The following DST variants were observed in gnomAD, a reference collection of about 807,000 sequenced individuals.
The protein encoded by DST is dystonin.
A neutral mutation model predicts 875.2 loss-of-function variants in DST; 253 were observed. That is an observed-to-expected ratio of 0.29 (90% CI 0.26 to 0.32). The LOEUF (loss-of-function observed/expected upper bound fraction) is 0.32. Among genes scored for constraint, DST ranks in the 10% least tolerant of loss-of-function variants. DST has a pLI of 1.00. For missense variants in DST, 8,287 were observed against 9,111.6 expected, an observed-to-expected ratio of 0.91 and a Z score of 3.68; for synonymous variants, 3,124 against 3,197.1, an observed-to-expected ratio of 0.98 and a Z score of 0.77.
intron 5 of DST, among the ~76,000 whole-genome samples, chr6:56,705,400 A>AT (rs2099329145): frequency 6.6e-6 from 1 of 152,226 alleles, no homozygotes; most frequent in Admixed American, 6.5e-5. Flanking sequence ...GCACAAAATA[A>AT]TGAAAAGATC....
At chr6:56,494,300 G>A (rs1313575682) in intron 82 of DST, 120 bp from the exon 83 acceptor site, 5 of 863,316 alleles carry the variant, frequency 5.8e-6, no homozygotes, top group Non-Finnish European at 6.7e-6. Context: ...GCTCTCTCAG[G>A]GCAACCTTGA....
chr6:56,769,659 A>C (rs1266987496), intron 4 of DST, among the ~76,000 whole-genome samples: 1 of 152,132 alleles, frequency 6.6e-6, no homozygotes, highest in African/African-American at 2.4e-5. Flanking sequence ...CTACAAAAAA[A>C]CACAAAAACT....
intron 4 of DST, among the ~76,000 whole-genome samples, chr6:56,807,103 T>C (rs1437737575): frequency 6.6e-6 from 1 of 152,096 alleles, no homozygotes; most frequent in Non-Finnish European, 1.5e-5. Context: ...CAGGCTGGAG[T>C]GCAGTGGCAC....
At chr6:56,497,550 C>A in intron 81 of DST, 43 bp from the exon 82 acceptor site, 1 of 1,596,610 alleles carries the variant, frequency 6.3e-7, no homozygotes, top group South Asian at 1.1e-5. Flanking sequence ...TAAACACTGT[C>A]AGTTTCAAGC....
At chr6:56,824,996 T>G (rs547966916) in intron 4 of DST, among the ~76,000 whole-genome samples, 16 of 152,104 alleles carry the variant, frequency 1.1e-4, no homozygotes, top group African/African-American at 3.9e-4. Context: ...GTCTGGGAGG[T>G]GTACCCAACA....
At chr6:56,576,535 T>C (rs975026895) in intron 50 of DST, among the ~76,000 whole-genome samples, 2 of 152,154 alleles carry the variant, frequency 1.3e-5, no homozygotes, top group African/African-American at 4.8e-5. Context: ...AATTGAATTA[T>C]AGGACATCCA....
At chr6:56,546,877 C>T (rs917490175) in intron 61 of DST, among the ~76,000 whole-genome samples, 4 of 151,994 alleles carry the variant, frequency 2.6e-5, no homozygotes, top group African/African-American at 4.8e-5. Context: ...CAGTAGATAC[C>T]GCAGTTTGGC....
At chr6:56,944,011 G>A (rs1329563402) in intron 2 of DST, among the ~76,000 whole-genome samples, 1 of 152,000 alleles carries the variant, frequency 6.6e-6, no homozygotes, top group East Asian at 1.9e-4. Context: ...CAGCTACTCG[G>A]GCAGCTGAGG....
At chr6:56,682,476 G>T (rs556768936) in intron 9 of DST, among the ~76,000 whole-genome samples, 1 of 151,966 alleles carries the variant, frequency 6.6e-6, no homozygotes, top group Non-Finnish European at 1.5e-5. Context: ...TTCTTTTTCC[G>T]TCATTACCTC....
At position 56,622,072 on chromosome 6, in the gene DST, T is replaced by C. The variant is rs114037171; in HGVS notation, c.4929+2458A>G. ...AATCCTGTGACACATGAGCATTTTATCTATTTAAATACTAAGTTTTCAGTA... is the reference window on the plus strand; with the variant it reads ...AATCCTGTGACACATGAGCATTTTACCTATTTAAATACTAAGTTTTCAGTA... On this transcript the variant is annotated intron_variant, in intron 36 of 103. Coordinates refer to ENST00000680361, the MANE Select transcript of DST (RefSeq NM_001374736.1). Among the ~76,000 whole-genome samples the C allele has an allele frequency of 4.1e-3, 625 of 152,372 alleles. 2 individuals carry two copies. Among genetic ancestry groups the C allele is most frequent in the Non-Finnish European group, 6.6e-3 (449 of 68,042 alleles).
chr6:56,813,264 T>C (rs2099762730), intron 4 of DST, among the ~76,000 whole-genome samples: 1 of 143,292 alleles, frequency 7.0e-6, no homozygotes, highest in African/African-American at 2.6e-5. Flanking sequence ...GGGATAGCAT[T>C]AGGAGATATA....
intron 4 of DST, among the ~76,000 whole-genome samples, chr6:56,824,501 T>C: frequency 6.7e-6 from 1 of 149,652 alleles, no homozygotes; most frequent in East Asian, 2.0e-4. Context: ...TCTCCCTGGC[T>C]GCCCAGTCTG....
At chr6:56,667,905 T>C (rs946591765) in intron 10 of DST, among the ~76,000 whole-genome samples, 4 of 151,916 alleles carry the variant, frequency 2.6e-5, no homozygotes, top group Non-Finnish European at 4.4e-5. Context: ...CCAGAGGCCA[T>C]TGTTTTTAAA....
At chr6:56,818,556 A>T (rs897929103) in intron 4 of DST, among the ~76,000 whole-genome samples, 1 of 152,208 alleles carries the variant, frequency 6.6e-6, no homozygotes, top group Non-Finnish European at 1.5e-5. Flanking sequence ...CAATGATTTG[A>T]AGAGTGTGTC....
chr6:56,562,289 A>C (rs1026340833), intron 55 of DST, 89 bp from the exon 56 acceptor site: 4 of 586,686 alleles, frequency 6.8e-6, no homozygotes, highest in Non-Finnish European at 1.1e-5. Context: ...CCCCATCAAC[A>C]GTAATCACAC....
At chr6:56,682,175 T>C (rs2099160190) in intron 9 of DST, among the ~76,000 whole-genome samples, 1 of 152,126 alleles carries the variant, frequency 6.6e-6, no homozygotes, top group Admixed American at 6.5e-5. Context: ...TTTTACTTCT[T>C]CGTATGTTTG....
At chr6:56,851,319 A>G in intron 4 of DST, 78 bp downstream of exon 4, 2 of 1,344,208 alleles carry the variant, frequency 1.5e-6, no homozygotes, top group East Asian at 2.4e-5. Flanking sequence ...AGCTCCCGCT[A>G]TGGCCCCCCA....
intron 77 of DST, 54 bp downstream of exon 77, chr6:56,506,389 T>A (rs2096313400): frequency 2.1e-6 from 3 of 1,410,128 alleles, no homozygotes; most frequent in Non-Finnish European, 2.9e-6. Flanking sequence ...AGACATCAAT[T>A]AGTACGATTC....
intron 2 of DST, among the ~76,000 whole-genome samples, chr6:56,906,433 G>A (rs528591798): frequency 1.7e-4 from 26 of 152,294 alleles, no homozygotes; most frequent in East Asian, 5.8e-4. Flanking sequence ...GGGACTAGAC[G>A]TGTTCAAAAT....
Sources: allele counts gnomAD v4.1 joint callset (sites outside exome capture counted in the v4.1 genomes callset), GRCh38; gene constraint gnomAD v4.1.1; transcripts MANE v1.5; gene names NCBI Gene and HGNC (gene_info 2026-07-23, HGNC 2026-07-21).